Variants in AGFG1 observed in about 807,000 individuals in gnomAD.
AGFG1 encodes the protein arf-GAP domain and FG repeat-containing protein 1.
A neutral mutation model predicts 60.6 loss-of-function variants in AGFG1; 10 were observed. The ratio of observed to expected loss-of-function variants is 0.16; its 90% CI spans 0.10 to 0.28. The LOEUF is 0.28. AGFG1 is among the 10% of genes least tolerant of loss of function. The pLI is 1.00. For synonymous variants in AGFG1, 247 were observed against 242.9 expected (o/e 1.02, Z -0.16); for missense variants, 537 against 676.5 (o/e 0.79, Z 2.29).
rs1045680877 is a variant in AGFG1, at chr2:227,519,943, C to T, written c.262-5C>T. On this transcript the variant is annotated splice_region_variant and splice_polypyrimidine_tract_variant and intron_variant, in intron 2 of 12. Coordinates refer to ENST00000310078, the MANE Select transcript of AGFG1 (RefSeq NM_004504.5). ...TAACATATATTTTTTTAATTCTTTC[C>T]AAAGGTCTGTAAACAGATTTGGCTA... is the stretch of plus-strand genomic sequence containing the variant. 6.5e-7 allele frequency: 1 copy of T among 1,543,332 alleles called. No individual in the cohort carries two copies. The highest frequency in any genetic ancestry group is 8.8e-7 in the Non-Finnish European group (1 of 1,139,696).
At chr2:227,491,517 G>C (rs778215519) in intron 1 of AGFG1, 30 bp from the exon 2 acceptor site, 2 of 1,450,814 alleles carry the variant, frequency 1.4e-6, no homozygotes, top group South Asian at 1.4e-5. Flanking sequence ...GTATGTACTA[G>C]TAAATTTTGT....
intron 2 of AGFG1, among the ~76,000 whole-genome samples, chr2:227,505,844 T>TTC (rs1362827631): frequency 1.3e-5 from 2 of 152,288 alleles, no homozygotes; most frequent in African/African-American, 4.8e-5. Context: ...GTTCAAGTGA[T>TTC]TCTCTGCCTC....
chr2:227,518,680 C>T (rs528537468), intron 2 of AGFG1, among the ~76,000 whole-genome samples: 8 of 152,040 alleles, frequency 5.3e-5, no homozygotes, highest in South Asian at 2.1e-4. Flanking sequence ...TGCACCACTA[C>T]GCCTGGCTAA....
intron 3 of AGFG1, among the ~76,000 whole-genome samples, chr2:227,521,124 G>T (rs1041470983): frequency 6.6e-6 from 1 of 151,978 alleles, no homozygotes; most frequent in Non-Finnish European, 1.5e-5. Flanking sequence ...GGAGTGCAAT[G>T]GTGCGATCTC....
At chr2:227,535,337 G>T (rs776459114) in intron 8 of AGFG1, among the ~76,000 whole-genome samples, 36 of 152,260 alleles carry the variant, frequency 2.4e-4, no homozygotes, top group Middle Eastern at 3.4e-3. Context: ...CCATTTAGTA[G>T]TCAAATAATA....
intron 5 of AGFG1, 81 bp from the exon 6 acceptor site, chr2:227,531,010 T>C (rs1692141356): frequency 7.9e-7 from 1 of 1,268,272 alleles, no homozygotes; most frequent in Non-Finnish European, 1.1e-6. Flanking sequence ...ACTTTTCATA[T>C]AATTCTTAAA....
chr2:227,488,164 C>T lies in AGFG1; in HGVS notation c.168-3383C>T, dbSNP rs559788142. 6.6e-5 allele frequency among the ~76,000 whole-genome samples: 10 copies of T among 152,284 alleles called. No homozygotes were observed. The East Asian group carries it at 1.9e-3, about 29-fold the overall frequency. The stretch of plus-strand genomic sequence containing the variant: ...ATTTCACTTGGAAAAAATGTCCTTT[C>T]CACATTTGGTTATGAGTACATTCTG... On this transcript the variant is annotated intron_variant, in intron 1 of 12. Coordinates refer to ENST00000310078, the MANE Select transcript of AGFG1 (RefSeq NM_004504.5).
In AGFG1 at chr2:227,558,135, T is replaced by C. The variant is rs1693029670; in HGVS notation, c.*3640T>C. On this transcript the variant is annotated 3_prime_UTR_variant, in exon 13 of 13. Transcript: ENST00000310078. ...AGTCATTTGTAAAACAATTTTCATATTTCATCTCTTACAATCCCTGCAGTG... is the reference window on the plus strand; with the variant it reads ...AGTCATTTGTAAAACAATTTTCATACTTCATCTCTTACAATCCCTGCAGTG... 1 of 152,310 alleles carries C rather than the reference T, an allele frequency of 6.6e-6. No individual in the cohort carries two copies. Among genetic ancestry groups the C allele is most frequent in the Admixed American group, 6.5e-5 (1 of 15,296 alleles). The allele number at this position is 152,310 out of a possible 1,614,324, so 9.4% of individuals were successfully genotyped here.
intron 10 of AGFG1, among the ~76,000 whole-genome samples, chr2:227,543,705 A>G (rs1399285747): frequency 6.6e-6 from 1 of 152,172 alleles, no homozygotes; most frequent in African/African-American, 2.4e-5. Flanking sequence ...AGTCCTGGAT[A>G]TCCTTGTTAA....
intron 10 of AGFG1, among the ~76,000 whole-genome samples, chr2:227,542,650 G>C (rs1009892149): frequency 6.6e-6 from 1 of 152,186 alleles, no homozygotes; most frequent in African/African-American, 2.4e-5. Context: ...CCAGGCTTTG[G>C]TATCAGGATG....
intron 2 of AGFG1, among the ~76,000 whole-genome samples, chr2:227,492,125 T>C (rs1235631262): frequency 1.3e-5 from 2 of 152,132 alleles, no homozygotes; most frequent in Non-Finnish European, 2.9e-5. Flanking sequence ...CAGTGGCAGC[T>C]AAGTGTCATG....
chr2:227,490,140 T>C (rs1351208665), intron 1 of AGFG1, among the ~76,000 whole-genome samples: 1 of 152,082 alleles, frequency 6.6e-6, no homozygotes, highest in African/African-American at 2.4e-5. Context: ...ATTTCTAGAA[T>C]GTTACGCACC....
At chr2:227,552,933 C>T (rs560630922) in intron 11 of AGFG1, among the ~76,000 whole-genome samples, 8 of 124,424 alleles carry the variant, frequency 6.4e-5, no homozygotes, top group Non-Finnish European at 1.3e-4. Context: ...ACCCGGGAGG[C>T]GGAGGTTGTG....
chr2:227,551,086 T>G (rs1487677582), intron 10 of AGFG1, among the ~76,000 whole-genome samples: 6 of 152,166 alleles, frequency 3.9e-5, no homozygotes, highest in Admixed American at 2.6e-4. Context: ...TTCACACACA[T>G]TTCTCCCGAT....
At chr2:227,529,901 G>A (rs1334201921) in intron 5 of AGFG1, among the ~76,000 whole-genome samples, 1 of 151,442 alleles carries the variant, frequency 6.6e-6, no homozygotes, top group Non-Finnish European at 1.5e-5. Flanking sequence ...TTTAATAAGA[G>A]AAGCTAGAAG....
At chr2:227,518,157 A>G (rs567587603) in intron 2 of AGFG1, among the ~76,000 whole-genome samples, 37 of 152,286 alleles carry the variant, frequency 2.4e-4, no homozygotes, top group African/African-American at 8.9e-4. Context: ...TAATTGCTGA[A>G]TAATGTTCTT....
chr2:227,518,585 A>G (rs1001054829), intron 2 of AGFG1, among the ~76,000 whole-genome samples: 7 of 145,726 alleles, frequency 4.8e-5, no homozygotes, highest in Non-Finnish European at 7.4e-5. Context: ...GTGCAATGAC[A>G]TGATCTTGGC....
chr2:227,487,406 A>G (rs1690675110), intron 1 of AGFG1, among the ~76,000 whole-genome samples: 1 of 151,850 alleles, frequency 6.6e-6, no homozygotes, highest in Non-Finnish European at 1.5e-5. Flanking sequence ...TTTGCTGATT[A>G]AAAAAATTAG....
In AGFG1 at chr2:227,559,274, T is replaced by C. The variant is rs2106253227; in HGVS notation, c.*4779T>C. ...GCTTACCATTCCCAATTTTTCTTAG[T>C]CTCAAACATTCACATGTTTTTCAAG... On this transcript the variant is annotated 3_prime_UTR_variant, in exon 13 of 13. Coordinates refer to ENST00000310078, the MANE Select transcript of AGFG1 (RefSeq NM_004504.5). The C allele has an allele frequency of 6.6e-6, 1 of 152,334 alleles. No individual in the cohort carries two copies. The highest frequency in any genetic ancestry group is 6.5e-5 in the Admixed American group (1 of 15,300). The allele number at this position is 152,334 out of a possible 1,614,324, so 9.4% of individuals were successfully genotyped here. A position where few individuals can be genotyped will look rare whatever the true frequency, so the allele number is the denominator to read the frequency against.
Sources: allele counts gnomAD v4.1 joint callset (sites outside exome capture counted in the v4.1 genomes callset), GRCh38; gene constraint gnomAD v4.1.1; transcripts MANE v1.5; gene names NCBI Gene and HGNC (gene_info 2026-07-23, HGNC 2026-07-21).